The following DENND1A variants were observed in gnomAD, a reference collection of about 807,000 sequenced individuals.
The protein encoded by DENND1A is DENN domain-containing protein 1A.
DENND1A carries 51 observed loss-of-function variants against 113.7 expected under a neutral mutation model. That is an observed-to-expected ratio of 0.45 (90% CI 0.36 to 0.57). The LOEUF is 0.57. Ranked by LOEUF, DENND1A falls within the 20% of genes least tolerant of loss-of-function variation. The pLI is 0.00. For synonymous variants in DENND1A, 565 were observed against 570.8 expected (o/e 0.99, Z 0.14); for missense variants, 1,258 against 1,395.9 (o/e 0.90, Z 1.57).
chr9:123,510,201 CA>C (rs1395639178), intron 13 of DENND1A, among the ~76,000 whole-genome samples: 42 of 152,384 alleles, frequency 2.8e-4, no homozygotes, highest in African/African-American at 8.7e-4. Flanking sequence ...TGGAGTTCCT[CA>C]AAGGCAGAGA....
intron 21 of DENND1A, among the ~76,000 whole-genome samples, chr9:123,389,866 T>C (rs556327619): frequency 6.6e-6 from 1 of 152,342 alleles, no homozygotes; most frequent in East Asian, 1.9e-4. Flanking sequence ...GCTCGTGGGA[T>C]GCACTGCTGA....
intron 19 of DENND1A, among the ~76,000 whole-genome samples, chr9:123,432,306 C>G (rs979205474): frequency 3.3e-5 from 5 of 152,234 alleles, no homozygotes; most frequent in African/African-American, 1.2e-4. Flanking sequence ...TCTGGGCTAG[C>G]CTGGGCTCTG....
At chr9:123,532,807 A>C (rs1049417397) in intron 13 of DENND1A, among the ~76,000 whole-genome samples, 2 of 152,222 alleles carry the variant, frequency 1.3e-5, no homozygotes, top group African/African-American at 4.8e-5. Context: ...GGAAGTACCT[A>C]TCACTCACCA....
intron 1 of DENND1A, among the ~76,000 whole-genome samples, chr9:123,903,036 A>C (rs1407476924): frequency 2.0e-5 from 3 of 152,194 alleles, no homozygotes; most frequent in African/African-American, 7.2e-5. Context: ...AATTCACTAC[A>C]TAAAACTGGA....
chr9:123,767,101 G>C (rs185751862), intron 4 of DENND1A, among the ~76,000 whole-genome samples: 1 of 151,990 alleles, frequency 6.6e-6, no homozygotes, highest in Non-Finnish European at 1.5e-5. Flanking sequence ...TCAGAATCTG[G>C]GGATATCCAT....
intron 5 of DENND1A, among the ~76,000 whole-genome samples, chr9:123,708,735 T>C (rs2066392469): frequency 6.6e-6 from 1 of 152,164 alleles, no homozygotes; most frequent in Non-Finnish European, 1.5e-5. Context: ...GCAATGAGCA[T>C]GTATTGATTA....
At chr9:123,649,881 T>C (rs2139345090) in intron 9 of DENND1A, among the ~76,000 whole-genome samples, 1 of 152,324 alleles carries the variant, frequency 6.6e-6, no homozygotes, top group African/African-American at 2.4e-5. Flanking sequence ...CTTCCTTATC[T>C]ATAAGATGGA....
intron 2 of DENND1A, among the ~76,000 whole-genome samples, chr9:123,799,238 T>C (rs1305578190): frequency 1.3e-5 from 2 of 152,344 alleles, no homozygotes; most frequent in Non-Finnish European, 2.9e-5. Context: ...AGAGAAATTT[T>C]CTGATTTTAC....
At chr9:123,790,199 T>C (rs1349137083) in intron 3 of DENND1A, among the ~76,000 whole-genome samples, 1 of 152,120 alleles carries the variant, frequency 6.6e-6, no homozygotes, top group Non-Finnish European at 1.5e-5. Context: ...GAAAAGATAA[T>C]TTAACAAATG....
chr9:123,434,367 T>C (rs1245451249), intron 19 of DENND1A, among the ~76,000 whole-genome samples: 1 of 152,218 alleles, frequency 6.6e-6, no homozygotes, highest in Admixed American at 6.5e-5. Context: ...AATTTGGAAA[T>C]AGTTTGTGAC....
At chr9:123,880,708 T>G (rs1229156147) in intron 1 of DENND1A, among the ~76,000 whole-genome samples, 1 of 152,200 alleles carries the variant, frequency 6.6e-6, no homozygotes, top group Non-Finnish European at 1.5e-5. Flanking sequence ...AGCAACCTCA[T>G]GCAAAGGGAT....
chr9:123,382,476 G>A lies in DENND1A; in HGVS notation c.2169C>T (p.Ala723=), dbSNP rs1415598778. 1 of 1,613,682 alleles carries A rather than the reference G, an allele frequency of 6.2e-7. No homozygotes were observed. The highest frequency in any genetic ancestry group is 1.7e-5 in the Admixed American group (1 of 60,016). The change falls in exon 24 of 24, where the codon GCC becomes GCT. Residue 723 remains alanine, a synonymous_variant. Transcript: ENST00000394215. The part of the protein sequence containing the change: ...PPAASPEKPS[A]LLGNSLALPR... The stretch of plus-strand genomic sequence containing the variant: ...GCAGGGCCAGGGAGTTTCCGAGCAG[G>A]GCTGAGGGCTTCTCAGGGGAGGCAG...
chr9:123,556,492 T>G (rs1469342113), intron 13 of DENND1A, among the ~76,000 whole-genome samples: 1 of 152,252 alleles, frequency 6.6e-6, no homozygotes, highest in Non-Finnish European at 1.5e-5. Context: ...AATCAGAATT[T>G]CTATAAAGAA....
At chr9:123,693,107 T>C (rs1217368912) in intron 5 of DENND1A, among the ~76,000 whole-genome samples, 1 of 152,206 alleles carries the variant, frequency 6.6e-6, no homozygotes, top group Non-Finnish European at 1.5e-5. Context: ...CCATTCTATG[T>C]GTATATATAG....
rs77487649 is a variant in DENND1A at position 123,654,781 on chromosome 9, G to C, written c.508-2658C>G. ...GTCTTTCTTATCTGCTTCCTCCCCTGCCTCTTTCCTTCTGGGATGCCACCC... is the reference window on the plus strand; with the variant it reads ...GTCTTTCTTATCTGCTTCCTCCCCTCCCTCTTTCCTTCTGGGATGCCACCC... On this transcript the variant is annotated intron_variant, in intron 8 of 23. Transcript: ENST00000394215. Among the ~76,000 whole-genome samples, 310 of 152,286 alleles carry C rather than the reference G, an allele frequency of 2.0e-3. 2 individuals carry two copies. Among genetic ancestry groups the C allele is most frequent in the Middle Eastern group, 0.01 (3 of 294 alleles).
intron 1 of DENND1A, among the ~76,000 whole-genome samples, chr9:123,895,194 T>C (rs757006390): frequency 6.6e-6 from 1 of 152,112 alleles, no homozygotes; most frequent in Non-Finnish European, 1.5e-5. Flanking sequence ...TCAGCCTCCC[T>C]AGGTGCTGGG....
intron 5 of DENND1A, among the ~76,000 whole-genome samples, chr9:123,752,649 G>A (rs1010340363): frequency 6.6e-6 from 1 of 152,222 alleles, no homozygotes; most frequent in Non-Finnish European, 1.5e-5. Context: ...AAGTTGGCTA[G>A]AAATCGCATC....
chr9:123,692,933 T>G (rs1158704003), intron 5 of DENND1A, among the ~76,000 whole-genome samples: 1 of 152,184 alleles, frequency 6.6e-6, no homozygotes, highest in African/African-American at 2.4e-5. Flanking sequence ...AATGTAGAGA[T>G]GAAGAAACTG....
chr9:123,503,562 G>A (rs543231267), intron 13 of DENND1A, among the ~76,000 whole-genome samples: 12 of 152,304 alleles, frequency 7.9e-5, no homozygotes, highest in African/African-American at 2.4e-4. Context: ...TCGGACTCAC[G>A]TAAAACTCAC....
Sources: gnomAD v4.1 joint callset for allele counts (sites outside exome capture counted in the v4.1 genomes callset) on GRCh38, gnomAD v4.1.1 for gene constraint, MANE v1.5 for transcripts, NCBI Gene and HGNC (gene_info 2026-07-23, HGNC 2026-07-21) for gene names.